TMPO: variants seen among roughly 807,000 people sequenced by gnomAD.
The protein encoded by TMPO is LEM domain containing 4.
In TMPO, 22 loss-of-function variants were observed where a neutral mutation model predicts 45.4. That is an observed-to-expected ratio of 0.48 (90% CI 0.35 to 0.69). The LOEUF (loss-of-function observed/expected upper bound fraction) is 0.69. Among genes scored for constraint, TMPO ranks in the 30% least tolerant of loss-of-function variants. TMPO has a pLI of 0.01. For missense variants in TMPO, 512 were observed against 548.8 expected (o/e 0.93, Z 0.67); for synonymous variants, 241 against 204.1 (o/e 1.18, Z -1.54).
chr12:98,533,463 A>G (rs762884521), intron 3 of TMPO: 1 of 1,614,158 alleles, frequency 6.2e-7, no homozygotes, highest in Non-Finnish European at 8.5e-7. Flanking sequence ...CTATGCCCCC[A>G]CTGGATGTAG....
chr12:98,516,418 C>G (rs1403964103), intron 1 of TMPO: 1 of 1,175,436 alleles, frequency 8.5e-7, no homozygotes, highest in Non-Finnish European at 1.0e-6. Context: ...ACGCAGTCGA[C>G]GCCGCTTCCC....
chr12:98,532,751 CAA>C (rs1447297818), intron 3 of TMPO: 3 of 1,610,168 alleles, frequency 1.9e-6, no homozygotes, highest in African/African-American at 1.3e-5. Context: ...CTATTTTTAG[CAA>C]AGAGGCAAAG....
At chr12:98,536,542 C>T (rs547555516) in intron 3 of TMPO, among the ~76,000 whole-genome samples, 4 of 152,080 alleles carry the variant, frequency 2.6e-5, no homozygotes, top group Admixed American at 6.5e-5. Context: ...TTAGTAGAGA[C>T]GGGGTTTCAC....
chr12:98,537,395 G>T, intron 3 of TMPO, 80 bp from the exon 4 acceptor site: 4 of 1,208,850 alleles, frequency 3.3e-6, no homozygotes, highest in Non-Finnish European at 4.8e-6. Flanking sequence ...CTAAAACCAG[G>T]GTTCCCGATT....
intron 1 of TMPO, among the ~76,000 whole-genome samples, chr12:98,526,761 C>T (rs1876789999): frequency 6.6e-6 from 1 of 151,992 alleles, no homozygotes; most frequent in African/African-American, 2.4e-5. Context: ...AGATCGAGAC[C>T]ATTCTGGCCA....
At chr12:98,534,418 G>A (rs1350124216) in intron 3 of TMPO, 17 of 1,596,392 alleles carry the variant, frequency 1.1e-5, no homozygotes, top group Non-Finnish European at 1.4e-5. Flanking sequence ...TGTTAAGGTT[G>A]TTTTAGTTTC....
In TMPO at chr12:98,525,756, A is replaced by T. The variant is rs1876719158; in HGVS notation, c.280-2130A>T. Among the ~76,000 whole-genome samples, 7 of 148,774 alleles carry T rather than the reference A, an allele frequency of 4.7e-5. No homozygotes were observed. In the South Asian group the frequency reaches 1.5e-3, roughly 32 times the overall value. On this transcript the variant is annotated intron_variant, in intron 1 of 8. Coordinates refer to ENST00000556029, the MANE Select transcript of TMPO (RefSeq NM_001032283.3). ...ACAGTCTCAAAAAAAAAAAAAAAAA[A>T]GATTTGATTTGAGCCTGACAATTCT... is the stretch of plus-strand genomic sequence containing the variant.
chr12:98,516,120 G>C lies in TMPO; in HGVS notation c.253G>C (p.Gly85Arg), dbSNP rs1226502421. The change falls in exon 1 of 9, where the codon GGC becomes CGC. Residue 85 changes from glycine (G) to arginine (R), a missense_variant. Gly to Arg is a moderately radical substitution (Grantham distance 125). Coordinates refer to ENST00000556029, the MANE Select transcript of TMPO (RefSeq NM_001032283.3). ...CCTCGGCTCTGGGGCCGCCGCCGCGGGCCGGAGCCGAGCAGCCGTCGGCAG... is the reference window on the plus strand; with the variant it reads ...CCTCGGCTCTGGGGCCGCCGCCGCGCGCCGGAGCCGAGCAGCCGTCGGCAG... ...PVLGSGAAAA[G>R]RSRAAVGRKA... 6 of 1,501,562 alleles carry C rather than the reference G, an allele frequency of 4.0e-6. No homozygotes were observed. Among genetic ancestry groups the C allele is most frequent in the Non-Finnish European group, 1.8e-6 (2 of 1,135,218 alleles). The allele number at this position is 1,501,562 out of a possible 1,614,324, so 93.0% of individuals were successfully genotyped here.
intron 1 of TMPO, among the ~76,000 whole-genome samples, chr12:98,526,851 G>T (rs1022148751): frequency 1.1e-4 from 16 of 152,008 alleles, no homozygotes. Context: ...TCAGCTACTC[G>T]GGAGGCTGAG....
chr12:98,522,877 A>G (rs1295122996), intron 1 of TMPO, among the ~76,000 whole-genome samples: 1 of 152,226 alleles, frequency 6.6e-6, no homozygotes, highest in Non-Finnish European at 1.5e-5. Context: ...GACACTTGGA[A>G]CACAACTCAG....
rs34983516 is a variant in TMPO, at chr12:98,534,062, A to G, written c.565+2224A>G. On this transcript the variant is annotated intron_variant, in intron 3 of 8. Transcript: ENST00000556029. ...CAGGCAGACATTAGTCAAGCTGCAC[A>G]GATTCTTAGCTCAGATCCTAGTCGT... 1.7e-4 allele frequency: 276 copies of G among 1,609,278 alleles called. 1 individual carries two copies. In the African/African-American group the frequency reaches 2.8e-3, roughly 16 times the overall value.
At chr12:98,527,737 A>T in intron 1 of TMPO, 149 bp from the exon 2 acceptor site, 1 of 781,468 alleles carries the variant, frequency 1.3e-6, no homozygotes, top group Non-Finnish European at 2.1e-6. Context: ...TCCAATAATG[A>T]GTTGCTCTTA....
chr12:98,538,476 C>T (rs1293455906), intron 4 of TMPO, among the ~76,000 whole-genome samples: 1 of 152,120 alleles, frequency 6.6e-6, no homozygotes, highest in South Asian at 2.1e-4. Flanking sequence ...CCTCAGCCTC[C>T]CAAGTAGCTG....
At chr12:98,525,439 G>A (rs1467268170) in intron 1 of TMPO, among the ~76,000 whole-genome samples, 1 of 152,036 alleles carries the variant, frequency 6.6e-6, no homozygotes, top group Non-Finnish European at 1.5e-5. Flanking sequence ...CTCATATCTT[G>A]CTTTATTTGA....
At chr12:98,519,528 A>T (rs1046354455) in intron 1 of TMPO, among the ~76,000 whole-genome samples, 2 of 152,172 alleles carry the variant, frequency 1.3e-5, no homozygotes, top group African/African-American at 4.8e-5. Context: ...AGTACCTAGT[A>T]GGTCTATTGG....
chr12:98,516,555 T>G (rs1304224968), intron 1 of TMPO: 4 of 1,013,166 alleles, frequency 3.9e-6, no homozygotes. Context: ...TTAACTGAAA[T>G]GACTCGCAGC....
chr12:98,534,125 A>G lies in TMPO; in HGVS notation c.565+2287A>G, dbSNP rs1274718267. On this transcript the variant is annotated intron_variant, in intron 3 of 8. Coordinates refer to ENST00000556029, the MANE Select transcript of TMPO (RefSeq NM_001032283.3). ...CTTGGGATTCTGAGCAAAACATATG[A>G]TGCAGCCTCATATATTTGTGAAGCT... is the stretch of plus-strand genomic sequence containing the variant. 6 of 1,613,838 alleles carry G rather than the reference A, an allele frequency of 3.7e-6. No individual in the cohort carries two copies. Among genetic ancestry groups the G allele is most frequent in the Non-Finnish European group, 5.1e-6 (6 of 1,179,874 alleles).
intron 1 of TMPO, chr12:98,527,544 G>T (rs1876870477): frequency 1.6e-5 from 3 of 190,114 alleles, no homozygotes; most frequent in Non-Finnish European, 3.1e-5. Flanking sequence ...AAAAAAAAAG[G>T]TTATTTAAAA....
intron 2 of TMPO, 61 bp downstream of exon 2, chr12:98,528,073 T>C: frequency 6.2e-7 from 1 of 1,605,046 alleles, no homozygotes; most frequent in Non-Finnish European, 8.5e-7. Flanking sequence ...CAAATTATTT[T>C]CTCCTTTTTG....
Sources: gnomAD v4.1 joint callset for allele counts (sites outside exome capture counted in the v4.1 genomes callset) on GRCh38, gnomAD v4.1.1 for gene constraint, MANE v1.5 for transcripts, NCBI Gene and HGNC (gene_info 2026-07-23, HGNC 2026-07-21) for gene names.